Variants in CDH18 observed in about 807,000 individuals in gnomAD.
CDH18 encodes cadherin-18.
Under a neutral mutation model 67.9 loss-of-function variants are expected in CDH18, and 31 were observed. That is an observed-to-expected ratio of 0.46 (90% CI 0.34 to 0.62). CDH18 has a LOEUF of 0.62. Among genes scored for constraint, CDH18 ranks in the 20% least tolerant of loss-of-function variants. The pLI is 0.01. For missense variants in CDH18, 890 were observed against 975.5 expected (o/e 0.91, Z 1.17); for synonymous variants, 362 against 347.2 (o/e 1.04, Z -0.48).
intron 5 of CDH18, among the ~76,000 whole-genome samples, chr5:19,714,293 A>G (rs765582495): frequency 4.6e-5 from 7 of 152,112 alleles, no homozygotes; most frequent in Non-Finnish European, 5.9e-5. Context: ...TTTTAACTGC[A>G]TATGTTGCTA....
At chr5:20,235,633 T>A (rs529044766) in intron 2 of CDH18, among the ~76,000 whole-genome samples, 1 of 152,270 alleles carries the variant, frequency 6.6e-6, no homozygotes, top group East Asian at 1.9e-4. Flanking sequence ...GAACAGATGT[T>A]GGCAAGGCTG....
chr5:20,346,321 C>A (rs1468475872), intron 1 of CDH18, among the ~76,000 whole-genome samples: 1 of 152,114 alleles, frequency 6.6e-6, no homozygotes, highest in Non-Finnish European at 1.5e-5. Flanking sequence ...TAAAACTTAT[C>A]AGAACAAGAA....
chr5:20,467,572 G>T (rs1171636355), intron 1 of CDH18, among the ~76,000 whole-genome samples: 1 of 152,026 alleles, frequency 6.6e-6, no homozygotes, highest in African/African-American at 2.4e-5. Flanking sequence ...GAAGTGAGAA[G>T]GCTTTATAAA....
At chr5:19,737,063 G>A (rs1022162396) in intron 4 of CDH18, among the ~76,000 whole-genome samples, 7 of 152,190 alleles carry the variant, frequency 4.6e-5, no homozygotes, top group African/African-American at 1.7e-4. Context: ...GAAAGCAGTA[G>A]AGACCTGTGA....
chr5:20,203,928 A>C (rs1739666610), intron 2 of CDH18, among the ~76,000 whole-genome samples: 1 of 152,090 alleles, frequency 6.6e-6, no homozygotes, highest in South Asian at 2.1e-4. Flanking sequence ...GCTCAAAGAC[A>C]GGCTATTTGA....
intron 1 of CDH18, among the ~76,000 whole-genome samples, chr5:20,503,732 T>A (rs1244809425): frequency 1.3e-5 from 2 of 152,114 alleles, no homozygotes; most frequent in African/African-American, 4.8e-5. Flanking sequence ...TTTTGACATG[T>A]GCATAGGCAA....
At chr5:20,448,847 G>T (rs1316868867) in intron 1 of CDH18, among the ~76,000 whole-genome samples, 1 of 152,066 alleles carries the variant, frequency 6.6e-6, no homozygotes, top group East Asian at 1.9e-4. Flanking sequence ...GATGGAAAAA[G>T]TACAGGTGCA....
At chr5:19,864,846 T>TG (rs1421527393) in intron 2 of CDH18, among the ~76,000 whole-genome samples, 1 of 152,200 alleles carries the variant, frequency 6.6e-6, no homozygotes, top group African/African-American at 2.4e-5. Context: ...TGTGACCCTA[T>TG]GGGAACCAGC....
At chr5:19,798,572 C>T (rs75044138) in intron 3 of CDH18, among the ~76,000 whole-genome samples, 3,666 of 151,604 alleles carry the variant, frequency 0.024, 154 homozygotes, top group African/African-American at 0.084. Flanking sequence ...TGCTTTTTTT[C>T]CCTCATATTT....
chr5:20,376,488 T>C (rs1423669705), intron 1 of CDH18, among the ~76,000 whole-genome samples: 1 of 151,730 alleles, frequency 6.6e-6, no homozygotes, highest in Non-Finnish European at 1.5e-5. Flanking sequence ...TGAATGATGT[T>C]GGGGTTTTGA....
chr5:20,358,623 A>C (rs1741825056), intron 1 of CDH18, among the ~76,000 whole-genome samples: 1 of 152,196 alleles, frequency 6.6e-6, no homozygotes, highest in African/African-American at 2.4e-5. Flanking sequence ...TCAGAAATAT[A>C]TTCCAAAATA....
chr5:20,042,759 C>T (rs563344571), intron 2 of CDH18, among the ~76,000 whole-genome samples: 7 of 151,988 alleles, frequency 4.6e-5, no homozygotes, highest in Non-Finnish European at 1.0e-4. Context: ...GTCAAGAGAT[C>T]GAGACCATCC....
intron 1 of CDH18, among the ~76,000 whole-genome samples, chr5:20,264,633 C>A (rs1744895967): frequency 1.3e-5 from 2 of 152,110 alleles, no homozygotes; most frequent in South Asian, 4.2e-4. Context: ...AACAAAACCC[C>A]ACAAAGCGGA....
chr5:20,288,087 T>C (rs1006785505), intron 1 of CDH18, among the ~76,000 whole-genome samples: 1 of 151,448 alleles, frequency 6.6e-6, no homozygotes, highest in African/African-American at 2.4e-5. Context: ...TTTTTTTTTG[T>C]CACTGTGGAC....
intron 2 of CDH18, among the ~76,000 whole-genome samples, chr5:20,138,248 T>C (rs1038703750): frequency 2.0e-5 from 3 of 152,018 alleles, no homozygotes; most frequent in African/African-American, 7.2e-5. Context: ...GAAAAGGCCT[T>C]TGACAAAATT....
intron 7 of CDH18, among the ~76,000 whole-genome samples, chr5:19,577,328 A>T (rs1742482381): frequency 6.6e-6 from 1 of 152,152 alleles, no homozygotes; most frequent in Non-Finnish European, 1.5e-5. Context: ...ATATATAATT[A>T]TTTTCTGTCA....
chr5:19,517,799 A>C (rs1174637106), intron 10 of CDH18, among the ~76,000 whole-genome samples: 1 of 151,460 alleles, frequency 6.6e-6, no homozygotes, highest in Non-Finnish European at 1.5e-5. Flanking sequence ...TTTATATTAC[A>C]CTTGCATGTC....
intron 6 of CDH18, among the ~76,000 whole-genome samples, chr5:19,593,725 T>TCTA (rs1745671695): frequency 8.7e-6 from 1 of 114,840 alleles, no homozygotes; most frequent in South Asian, 2.6e-4. Flanking sequence ...TTCTTCTTCT[T>TCTA]CTTCTTCTTC....
At chr5:20,256,120 A>C (rs1219646945) in intron 1 of CDH18, among the ~76,000 whole-genome samples, 1 of 152,030 alleles carries the variant, frequency 6.6e-6, no homozygotes. Flanking sequence ...TAAAATTTGA[A>C]TATAATCCCT....
Sources: gnomAD v4.1 joint callset for allele counts (sites outside exome capture counted in the v4.1 genomes callset) on GRCh38, gnomAD v4.1.1 for gene constraint, MANE v1.5 for transcripts, NCBI Gene and HGNC (gene_info 2026-07-23, HGNC 2026-07-21) for gene names.